The following ZMYM4 variants were observed in gnomAD, a reference collection of about 807,000 sequenced individuals.
ZMYM4 encodes the protein zinc finger MYM-type containing 4.
A neutral mutation model predicts 183.2 loss-of-function variants in ZMYM4; 31 were observed. That is an observed-to-expected ratio of 0.17 (90% CI 0.13 to 0.23). The LOEUF (loss-of-function observed/expected upper bound fraction) is 0.23, where lower values mean the gene tolerates loss of function less well. ZMYM4 is among the 10% of genes least tolerant of loss of function. The pLI is 1.00. For missense variants in ZMYM4, 1,273 were observed against 1,840.3 expected (o/e 0.69, Z 5.64); for synonymous variants, 592 against 631.2 (o/e 0.94, Z 0.93).
intron 5 of ZMYM4, among the ~76,000 whole-genome samples, chr1:35,369,783 A>G (rs527784720): frequency 6.6e-6 from 1 of 151,986 alleles, no homozygotes; most frequent in Non-Finnish European, 1.5e-5. Flanking sequence ...TTCAAAAATA[A>G]TAAATACTTA....
At chr1:35,373,542 T>C (rs1405855692) in intron 7 of ZMYM4, among the ~76,000 whole-genome samples, 1 of 138,948 alleles carries the variant, frequency 7.2e-6, no homozygotes, top group Non-Finnish European at 1.5e-5. Context: ...CATGCACAGC[T>C]AATTTTTTTT....
At chr1:35,274,872 T>G (rs1032748134) in intron 1 of ZMYM4, among the ~76,000 whole-genome samples, 1 of 152,226 alleles carries the variant, frequency 6.6e-6, no homozygotes, top group Admixed American at 6.5e-5. Context: ...ATATGATGGC[T>G]AAATCAGGAT....
intron 1 of ZMYM4, among the ~76,000 whole-genome samples, chr1:35,323,327 T>C (rs928528295): frequency 6.6e-6 from 1 of 152,030 alleles, no homozygotes; most frequent in Non-Finnish European, 1.5e-5. Flanking sequence ...AGAGTTCTGC[T>C]GTCAAGGGGA....
chr1:35,406,719 C>CA (rs2149028281), intron 25 of ZMYM4, among the ~76,000 whole-genome samples: 1 of 152,252 alleles, frequency 6.6e-6, no homozygotes, highest in South Asian at 2.1e-4. Context: ...GTGAAAAAGT[C>CA]AAACATGGTC....
chr1:35,412,122 G>A (rs898636736), intron 26 of ZMYM4, among the ~76,000 whole-genome samples: 3 of 151,426 alleles, frequency 2.0e-5, no homozygotes, highest in South Asian at 2.1e-4. Flanking sequence ...CTTGTGATCC[G>A]CCCGCCTTAG....
intron 2 of ZMYM4, among the ~76,000 whole-genome samples, chr1:35,340,288 A>G (rs1643149695): frequency 6.6e-6 from 1 of 152,106 alleles, no homozygotes; most frequent in South Asian, 2.1e-4. Context: ...GTAAAGTAGC[A>G]GTCCCCAACC....
chr1:35,375,787 T>C (rs11264145), intron 7 of ZMYM4, among the ~76,000 whole-genome samples: 18,333 of 152,242 alleles, frequency 0.12, 2,641 homozygotes, highest in East Asian at 0.68. Flanking sequence ...TTTAAAAAAT[T>C]TGTCTTGGCT....
chr1:35,392,406 T>C, intron 16 of ZMYM4, 54 bp downstream of exon 16: 1 of 1,561,628 alleles, frequency 6.4e-7, no homozygotes, highest in African/African-American at 1.4e-5. Context: ...AATGCAGTGG[T>C]CCCCTAACTT....
chr1:35,361,771 T>C lies in ZMYM4; in HGVS notation c.822T>C (p.Asp274=). Reference sequence around the variant, plus strand: ...AGGGACTACTAGACAAAATAAAAGATGAACCTGACAATGCTCAAGTAAACA... The same window carrying C: ...AGGGACTACTAGACAAAATAAAAGACGAACCTGACAATGCTCAAGTAAACA... ...PQQGLLDKIK[D]EPDNAQEYSH... Residue 274 remains aspartate, a synonymous_variant, in exon 5 of 30, where the codon GAT becomes GAC. Coordinates refer to ENST00000314607, the MANE Select transcript of ZMYM4 (RefSeq NM_005095.3). The C allele has an allele frequency of 3.1e-6, 5 of 1,606,854 alleles. No individual in the cohort carries two copies. The highest frequency in any genetic ancestry group is 4.2e-6 in the Non-Finnish European group (5 of 1,178,044).
chr1:35,356,850 A>G (rs918156381), intron 2 of ZMYM4, among the ~76,000 whole-genome samples: 7 of 152,186 alleles, frequency 4.6e-5, no homozygotes, highest in African/African-American at 1.7e-4. Context: ...TTCTGATGTC[A>G]TTATGGAAGA....
chr1:35,277,586 CT>C (rs1049827223), intron 1 of ZMYM4, among the ~76,000 whole-genome samples: 1 of 152,052 alleles, frequency 6.6e-6, no homozygotes, highest in African/African-American at 2.4e-5. Flanking sequence ...TTATTTTTAA[CT>C]TTTCACTTAA....
rs1330259753 is a variant in ZMYM4, at chr1:35,419,556, C to T, written c.4526C>T (p.Thr1509Ile). The change falls in exon 30 of 30, where the codon ACA becomes ATA. Residue 1509 changes from threonine to isoleucine, a missense_variant. This residue lies in a region of ZMYM4 where 145 missense variants were observed against 331.6 expected (regional missense o/e 0.44). Coordinates refer to ENST00000314607, the MANE Select transcript of ZMYM4 (RefSeq NM_005095.3). Reference sequence around the variant, plus strand: ...CCGAATAGCCCCATGTGGTACTCCACATTCCCGATAGACCCTGGAACCCTG... The same window carrying T: ...CCGAATAGCCCCATGTGGTACTCCATATTCCCGATAGACCCTGGAACCCTG... ...CVPNSPMWYSTFPIDPGTLDT... is the reference protein window; with the variant it reads ...CVPNSPMWYSIFPIDPGTLDT... 6.2e-7 allele frequency: 1 copy of T among 1,614,136 alleles called. No homozygotes were observed.
intron 15 of ZMYM4, among the ~76,000 whole-genome samples, 153 bp downstream of exon 15, chr1:35,390,251 T>C (rs1473984666): frequency 6.6e-6 from 1 of 152,202 alleles, no homozygotes; most frequent in Non-Finnish European, 1.5e-5. Flanking sequence ...GCTTTTTTTG[T>C]TGAACACCTT....
At chr1:35,395,706 C>T (rs1014166209) in intron 18 of ZMYM4, among the ~76,000 whole-genome samples, 7 of 152,116 alleles carry the variant, frequency 4.6e-5, no homozygotes, top group Non-Finnish European at 8.8e-5. Context: ...TTTAAACATG[C>T]CCAGAACATT....
chr1:35,365,272 A>G (rs921220675), intron 5 of ZMYM4, among the ~76,000 whole-genome samples: 1 of 143,036 alleles, frequency 7.0e-6, no homozygotes, highest in Non-Finnish European at 1.5e-5. Context: ...TTAGTCTACC[A>G]ATCTTTCTGT....
intron 1 of ZMYM4, among the ~76,000 whole-genome samples, chr1:35,280,360 A>G (rs1268297841): frequency 6.6e-6 from 1 of 151,692 alleles, no homozygotes; most frequent in Non-Finnish European, 1.5e-5. Flanking sequence ...CTGATCTCGA[A>G]CTCATGAGCT....
At chr1:35,303,063 C>T (rs1170619558) in intron 1 of ZMYM4, among the ~76,000 whole-genome samples, 1 of 148,986 alleles carries the variant, frequency 6.7e-6, no homozygotes, top group Non-Finnish European at 1.5e-5. Context: ...TCACTTGAGT[C>T]TAGGAGTTCG....
Position 35,408,781 on chromosome 1 carries a change from T to A in ZMYM4, c.3948+622T>A, listed in dbSNP as rs181365358. 2.4e-3 allele frequency among the ~76,000 whole-genome samples: 370 copies of A among 152,300 alleles called. 4 individuals carry two copies. Among genetic ancestry groups the A allele is most frequent in the Admixed American group, 6.9e-3 (105 of 15,304 alleles). On this transcript the variant is annotated intron_variant, in intron 26 of 29. Coordinates refer to ENST00000314607, the MANE Select transcript of ZMYM4 (RefSeq NM_005095.3). ...AATTATATATATAGTGTGATTGTTATGGGAAAATATGCATAACATAAAATT... is the reference window on the plus strand; with the variant it reads ...AATTATATATATAGTGTGATTGTTAAGGGAAAATATGCATAACATAAAATT...
In ZMYM4 at chr1:35,417,570, G is replaced by T. The variant is rs1570564060; in HGVS notation, c.4310-873G>T. ...ATGACAGCTTCTGCTGAGTTCAGTG[G>T]CTTGTACCTGTAGTCCCAGCTACTC... On this transcript the variant is annotated intron_variant, in intron 28 of 29. Transcript: ENST00000314607. Among the ~76,000 whole-genome samples, 6 of 152,228 alleles carry T rather than the reference G, an allele frequency of 3.9e-5. No individual in the cohort carries two copies. In the South Asian group the frequency reaches 1.2e-3, roughly 32 times the overall value.
Sources: allele counts gnomAD v4.1 joint callset (sites outside exome capture counted in the v4.1 genomes callset), GRCh38; gene constraint gnomAD v4.1.1; regional missense constraint gnomAD v4.1.1; transcripts MANE v1.5; gene names NCBI Gene and HGNC (gene_info 2026-07-23, HGNC 2026-07-21).